ACOXL: variants seen among roughly 807,000 people sequenced by gnomAD.
The protein encoded by ACOXL is acyl-coenzyme A oxidase-like protein.
Under a neutral mutation model 71.9 loss-of-function variants are expected in ACOXL, and 70 were observed. The ratio of observed to expected loss-of-function variants is 0.97; its 90% CI spans 0.80 to 1.19. The LOEUF (loss-of-function observed/expected upper bound fraction) is 1.19. Among genes scored for constraint, ACOXL ranks in the 50% most tolerant of loss-of-function variants. ACOXL has a pLI of 0.00. For missense variants in ACOXL, 703 were observed against 736.3 expected, an observed-to-expected ratio of 0.95 and a Z score of 0.52; for synonymous variants, 253 against 281.6, an observed-to-expected ratio of 0.90 and a Z score of 1.02.
At chr2:110,846,326 C>G (rs960200625) in intron 10 of ACOXL, among the ~76,000 whole-genome samples, 2 of 152,024 alleles carry the variant, frequency 1.3e-5, no homozygotes, top group African/African-American at 4.8e-5. Flanking sequence ...AGGATGGGTT[C>G]ACTCTTGAAG....
chr2:111,089,807 G>A (rs77987871), intron 16 of ACOXL, among the ~76,000 whole-genome samples: 11,006 of 152,250 alleles, frequency 0.072, 526 homozygotes, highest in South Asian at 0.17. Context: ...GCATGTAAAA[G>A]TATAGAATCC....
intron 10 of ACOXL, among the ~76,000 whole-genome samples, chr2:110,868,419 C>T (rs973044845): frequency 6.6e-6 from 1 of 152,142 alleles, no homozygotes; most frequent in African/African-American, 2.4e-5. Flanking sequence ...AGGAGCCTGC[C>T]ATCAACAGTG....
At chr2:110,999,175 C>G (rs577458267) in intron 14 of ACOXL, among the ~76,000 whole-genome samples, 1 of 152,264 alleles carries the variant, frequency 6.6e-6, no homozygotes, top group South Asian at 2.1e-4. Context: ...TTGAGCTTCT[C>G]TCCTTGGTTT....
At chr2:111,108,768 C>T (rs981437510) in intron 17 of ACOXL, among the ~76,000 whole-genome samples, 4 of 152,084 alleles carry the variant, frequency 2.6e-5, no homozygotes, top group African/African-American at 9.7e-5. Flanking sequence ...AGAAAGTGTC[C>T]ATCACCCAAT....
chr2:110,796,833 T>C (rs757048711), intron 5 of ACOXL, among the ~76,000 whole-genome samples: 1 of 152,256 alleles, frequency 6.6e-6, no homozygotes, highest in Non-Finnish European at 1.5e-5. Context: ...AGTTTCCCTG[T>C]GCAAACATAT....
At chr2:111,027,150 G>C (rs1030065797) in intron 14 of ACOXL, among the ~76,000 whole-genome samples, 8 of 152,040 alleles carry the variant, frequency 5.3e-5, no homozygotes, top group Non-Finnish European at 1.0e-4. Flanking sequence ...ACCCACCTCA[G>C]CCTCTAAAGT....
chr2:110,906,630 C>CA (rs2059461255), intron 10 of ACOXL, among the ~76,000 whole-genome samples: 1 of 90,350 alleles, frequency 1.1e-5, no homozygotes, highest in African/African-American at 4.5e-5. Context: ...ACAACAACAA[C>CA]AAAAAAGAAA....
intron 17 of ACOXL, chr2:111,113,043 C>G (rs2070101523): frequency 6.6e-6 from 1 of 152,276 alleles, no homozygotes; most frequent in Admixed American, 6.5e-5. Flanking sequence ...TAGGCACACA[C>G]AGAATACAGA....
intron 2 of ACOXL, among the ~76,000 whole-genome samples, chr2:110,783,735 A>G (rs778032517): frequency 2.6e-5 from 4 of 152,222 alleles, no homozygotes; most frequent in Non-Finnish European, 5.9e-5. Flanking sequence ...ACATACACAT[A>G]CACATGGGTA....
intron 10 of ACOXL, among the ~76,000 whole-genome samples, chr2:110,869,204 A>C (rs1053916831): frequency 6.6e-6 from 1 of 150,940 alleles, no homozygotes; most frequent in Non-Finnish European, 1.5e-5. Context: ...TTGTGCTCTC[A>C]CTCTCAACCC....
Position 110,794,129 on chromosome 2 carries a change from C to T in ACOXL, c.300C>T (p.Asn100=), listed in dbSNP as rs139375366. The change falls in exon 5 of 18, where the codon AAC becomes AAT. Residue 100 remains asparagine (N), a synonymous_variant. Coordinates refer to ENST00000439055, the MANE Select transcript of ACOXL (RefSeq NM_001142807.4). ...FAMTERGHGS[N]ARGIQTEATF... ...TGACCGAGAGGGGCCATGGGAGCAA[C>T]GCGAGAGGGATCCAGACCGAAGCCA... 1.5e-5 allele frequency: 24 copies of T among 1,614,148 alleles called. No homozygotes were observed. Among genetic ancestry groups the T allele is most frequent in the Middle Eastern group, 1.6e-4 (1 of 6,062 alleles).
chr2:110,768,297 G>A (rs1681380786), intron 1 of ACOXL, 71 bp from the exon 2 acceptor site: 1 of 1,258,182 alleles, frequency 7.9e-7, no homozygotes, highest in Admixed American at 1.7e-5. Context: ...CTGAGCCCGG[G>A]GTCAAAGCAT....
chr2:111,035,110 C>T (rs2065451525), intron 15 of ACOXL, among the ~76,000 whole-genome samples: 1 of 152,070 alleles, frequency 6.6e-6, no homozygotes, highest in Admixed American at 6.5e-5. Flanking sequence ...TCGTGATCTG[C>T]CCACCTCGGC....
intron 17 of ACOXL, among the ~76,000 whole-genome samples, chr2:111,115,956 G>A (rs901650610): frequency 6.6e-6 from 1 of 151,918 alleles, no homozygotes; most frequent in Non-Finnish European, 1.5e-5. Flanking sequence ...CTGGCCCTAC[G>A]TTCTGTTTTT....
At chr2:110,950,223 T>C (rs184384543) in intron 12 of ACOXL, among the ~76,000 whole-genome samples, 3 of 152,174 alleles carry the variant, frequency 2.0e-5, no homozygotes, top group African/African-American at 7.2e-5. Flanking sequence ...AATTTGTGGT[T>C]ACTGGAAAAA....
At chr2:110,787,812 C>G (rs1684170032) in intron 3 of ACOXL, among the ~76,000 whole-genome samples, 1 of 152,192 alleles carries the variant, frequency 6.6e-6, no homozygotes, top group East Asian at 1.9e-4. Context: ...CATGTTCCAG[C>G]TAACGTGTCC....
chr2:110,929,292 CTCTT>C (rs1287027441), intron 11 of ACOXL, among the ~76,000 whole-genome samples: 1 of 152,142 alleles, frequency 6.6e-6, no homozygotes. Flanking sequence ...GTGAAGGTGA[CTCTT>C]TCTATGTTTT....
At chr2:110,786,856 A>G (rs1684020513) in intron 3 of ACOXL, among the ~76,000 whole-genome samples, 1 of 152,240 alleles carries the variant, frequency 6.6e-6, no homozygotes, top group Non-Finnish European at 1.5e-5. Flanking sequence ...TTTGTAATGA[A>G]AAATTATGTA....
intron 12 of ACOXL, among the ~76,000 whole-genome samples, chr2:110,966,782 C>G (rs1036606125): frequency 6.6e-6 from 1 of 152,200 alleles, no homozygotes; most frequent in African/African-American, 2.4e-5. Context: ...CTGTGCTTCC[C>G]CACTCCCTTC....
Sources: allele counts gnomAD v4.1 joint callset (sites outside exome capture counted in the v4.1 genomes callset), GRCh38; gene constraint gnomAD v4.1.1; transcripts MANE v1.5; gene names NCBI Gene and HGNC (gene_info 2026-07-23, HGNC 2026-07-21).